BRINP3: variants seen among roughly 807,000 people sequenced by gnomAD.
The protein encoded by BRINP3 is BMP/retinoic acid-inducible neural-specific protein 3.
In BRINP3, 19 loss-of-function variants were observed where a neutral mutation model predicts 71.0. The observed-to-expected ratio is 0.27, with a 90% CI of 0.19 to 0.39. The LOEUF (loss-of-function observed/expected upper bound fraction) is 0.39, where lower values mean the gene tolerates loss of function less well. BRINP3 is among the 10% of genes least tolerant of loss of function. The pLI is 1.00. For synonymous variants in BRINP3, 380 were observed against 337.7 expected, an observed-to-expected ratio of 1.13 and a Z score of -1.37; for missense variants, 959 against 940.8, an observed-to-expected ratio of 1.02 and a Z score of -0.25.
At chr1:190,134,386 C>G (rs1214753115) in intron 7 of BRINP3, among the ~76,000 whole-genome samples, 1 of 151,214 alleles carries the variant, frequency 6.6e-6, no homozygotes, top group South Asian at 2.1e-4. Flanking sequence ...TTATGTTAGT[C>G]GTAAGAAACA....
intron 2 of BRINP3, among the ~76,000 whole-genome samples, chr1:190,427,635 G>T (rs893388949): frequency 2.6e-5 from 4 of 151,938 alleles, no homozygotes; most frequent in Admixed American, 6.6e-5. Flanking sequence ...GAGGGTTTGG[G>T]TAGCAAAGAA....
chr1:190,202,530 C>G (rs72729160), intron 6 of BRINP3, among the ~76,000 whole-genome samples: 8,892 of 152,062 alleles, frequency 0.058, 388 homozygotes, highest in Non-Finnish European at 0.082. Flanking sequence ...TTGGGAGGGG[C>G]AAGAGGTGGA....
chr1:190,292,521 G>T lies in BRINP3; in HGVS notation c.237-10771C>A, dbSNP rs1663947226. ...AAAATAGCTTACTCTGGTGGCATTT[G>T]CCTGTAGTCCTATCTACTCAAGAGG... is the stretch of plus-strand genomic sequence containing the variant. On this transcript the variant is annotated intron_variant, in intron 2 of 7. Transcript: ENST00000367462. Among the ~76,000 whole-genome samples the T allele has an allele frequency of 2.6e-5, 4 of 152,010 alleles. No individual in the cohort carries two copies. In the South Asian group the frequency reaches 8.3e-4, roughly 32 times the overall value.
intron 2 of BRINP3, among the ~76,000 whole-genome samples, chr1:190,384,483 T>C (rs1670755696): frequency 6.6e-6 from 1 of 151,780 alleles, no homozygotes; most frequent in Non-Finnish European, 1.5e-5. Context: ...CACATATATA[T>C]CAAAATGTAG....
chr1:190,348,246 T>C (rs910335423), intron 2 of BRINP3, among the ~76,000 whole-genome samples: 1 of 152,124 alleles, frequency 6.6e-6, no homozygotes, highest in African/African-American at 2.4e-5. Context: ...ATCTGAGATA[T>C]TATTGCCTTA....
chr1:190,302,475 A>G (rs1019651867), intron 2 of BRINP3, among the ~76,000 whole-genome samples: 30 of 151,736 alleles, frequency 2.0e-4, no homozygotes, highest in African/African-American at 7.0e-4. Flanking sequence ...CCAAACTAGC[A>G]GCACCAGTAG....
chr1:190,461,772 G>A (rs1412468147), intron 1 of BRINP3, among the ~76,000 whole-genome samples: 2 of 152,130 alleles, frequency 1.3e-5, no homozygotes, highest in Non-Finnish European at 2.9e-5. Flanking sequence ...ATCCGAATCT[G>A]CATCTGAGCT....
At chr1:190,312,621 C>G (rs1479232883) in intron 2 of BRINP3, among the ~76,000 whole-genome samples, 1 of 151,334 alleles carries the variant, frequency 6.6e-6, no homozygotes. Flanking sequence ...GATTTTTTTC[C>G]CAAAGTTACT....
intron 6 of BRINP3, among the ~76,000 whole-genome samples, chr1:190,162,440 C>T (rs2247300): frequency 6.6e-6 from 1 of 151,848 alleles, no homozygotes; most frequent in Non-Finnish European, 1.5e-5. Context: ...CACTCTGCCT[C>T]GCCTATAATT....
At chr1:190,185,437 A>T (rs1653427984) in intron 6 of BRINP3, among the ~76,000 whole-genome samples, 2 of 152,170 alleles carry the variant, frequency 1.3e-5, no homozygotes, top group Admixed American at 1.3e-4. Context: ...TTATCAAAAA[A>T]GAAAACAGAC....
At chr1:190,401,890 GC>G (rs1671952614) in intron 2 of BRINP3, among the ~76,000 whole-genome samples, 1 of 151,738 alleles carries the variant, frequency 6.6e-6, no homozygotes, top group Non-Finnish European at 1.5e-5. Flanking sequence ...ACCCAACCAT[GC>G]CTTCCATTCA....
intron 1 of BRINP3, among the ~76,000 whole-genome samples, chr1:190,459,135 C>CAA (rs113637584): frequency 1.0e-4 from 10 of 96,282 alleles, no homozygotes; most frequent in African/African-American, 2.1e-4. Flanking sequence ...TTCTTTCTCA[C>CAA]AAAAAAAAAA....
intron 1 of BRINP3, among the ~76,000 whole-genome samples, chr1:190,462,691 C>T (rs1357061595): frequency 6.6e-6 from 1 of 152,062 alleles, no homozygotes; most frequent in African/African-American, 2.4e-5. Context: ...TTTCAGTTCT[C>T]AGCAGCACAG....
At chr1:190,299,465 G>C (rs1664506619) in intron 2 of BRINP3, among the ~76,000 whole-genome samples, 1 of 150,552 alleles carries the variant, frequency 6.6e-6, no homozygotes, top group Admixed American at 6.6e-5. Context: ...TAAGTTTTAG[G>C]GTACATGTGC....
intron 7 of BRINP3, among the ~76,000 whole-genome samples, chr1:190,121,403 G>T (rs1276082779): frequency 6.6e-6 from 1 of 152,122 alleles, no homozygotes; most frequent in East Asian, 1.9e-4. Context: ...AAGAAAAACA[G>T]CACACATTAA....
At chr1:190,407,793 T>C (rs1381889058) in intron 2 of BRINP3, among the ~76,000 whole-genome samples, 1 of 152,136 alleles carries the variant, frequency 6.6e-6, no homozygotes. Context: ...TCTTGGAATA[T>C]ATCCATAATA....
At chr1:190,216,469 T>A (rs1285716206) in intron 6 of BRINP3, among the ~76,000 whole-genome samples, 1 of 151,884 alleles carries the variant, frequency 6.6e-6, no homozygotes, top group East Asian at 1.9e-4. Flanking sequence ...ATAAATTGAT[T>A]TCTATAAATA....
At chr1:190,292,765 A>G (rs906620224) in intron 2 of BRINP3, among the ~76,000 whole-genome samples, 3 of 151,834 alleles carry the variant, frequency 2.0e-5, no homozygotes, top group African/African-American at 7.3e-5. Flanking sequence ...GTAATTCGTG[A>G]TTCAGTATAG....
chr1:190,301,212 T>TACACACACATAC (rs1553283751), intron 2 of BRINP3, among the ~76,000 whole-genome samples: 2 of 68,282 alleles, frequency 2.9e-5, no homozygotes, highest in South Asian at 4.4e-4. Flanking sequence ...TACATATATA[T>TACACACACATAC]ATATATATAT....
Sources: allele counts gnomAD v4.1 joint callset (sites outside exome capture counted in the v4.1 genomes callset), GRCh38; gene constraint gnomAD v4.1.1; transcripts MANE v1.5; gene names NCBI Gene and HGNC (gene_info 2026-07-23, HGNC 2026-07-21).